Variants in SPATA6L observed in about 807,000 individuals in gnomAD.
SPATA6L encodes the protein spermatogenesis associated 6 like.
Under a neutral mutation model 49.2 loss-of-function variants are expected in SPATA6L, and 68 were observed. That is an observed-to-expected ratio of 1.38 (90% CI 1.14 to 1.69). The LOEUF (loss-of-function observed/expected upper bound fraction) is 1.69, where lower values mean the gene tolerates loss of function less well. SPATA6L is among the 40% of genes most tolerant of loss of function. The pLI is 0.00. For synonymous variants in SPATA6L, 198 were observed against 165.7 expected, an observed-to-expected ratio of 1.19 and a Z score of -1.50; for missense variants, 668 against 464.3, an observed-to-expected ratio of 1.44 and a Z score of -4.03.
intron 3 of SPATA6L, among the ~76,000 whole-genome samples, chr9:4,645,569 C>A (rs535213751): frequency 6.6e-6 from 1 of 152,106 alleles, no homozygotes; most frequent in African/African-American, 2.4e-5. Flanking sequence ...CCCACGATAA[C>A]CCATCAGTAC....
At chr9:4,646,548 A>AT in intron 3 of SPATA6L, 1 of 1,461,974 alleles carries the variant, frequency 6.8e-7, no homozygotes, top group East Asian at 2.6e-5. Context: ...AAAAAATGAG[A>AT]TTTTAATACT....
At chr9:4,655,635 G>A (rs912693443) in intron 3 of SPATA6L, among the ~76,000 whole-genome samples, 80 of 151,054 alleles carry the variant, frequency 5.3e-4, no homozygotes, top group African/African-American at 1.9e-3. Flanking sequence ...TGTAACCTCC[G>A]CCTCCCAGGT....
downstream of SPATA6L, among the ~76,000 whole-genome samples, chr9:4,594,466 C>T (rs1012242393): frequency 6.6e-6 from 1 of 152,220 alleles, no homozygotes; most frequent in African/African-American, 2.4e-5. Context: ...CCTGCCTCAG[C>T]CTCCCAAAGT....
intron 9 of SPATA6L, among the ~76,000 whole-genome samples, chr9:4,612,814 T>G (rs1827087456): frequency 6.6e-6 from 1 of 152,134 alleles, no homozygotes; most frequent in African/African-American, 2.4e-5. Flanking sequence ...CATCCATTAA[T>G]ATTCAGGAGG....
At position 4,662,136 on chromosome 9, in the gene SPATA6L, C is replaced by T; in HGVS notation, c.40-100G>A. Reference sequence around the variant, plus strand: ...TCTCTTAAGCTCCTACAGACACTGACATTTTCCCCATCACCTCACTCCCTC... The same window carrying T: ...TCTCTTAAGCTCCTACAGACACTGATATTTTCCCCATCACCTCACTCCCTC... On this transcript the variant is annotated intron_variant, in intron 1 of 11. Coordinates refer to ENST00000682582, the MANE Select transcript of SPATA6L (RefSeq NM_001353486.2). The surrounding 1 kb of genome is among the most constrained non-coding windows in gnomAD (Gnocchi z 4.9). 1.3e-6 allele frequency: 2 copies of T among 1,501,876 alleles called. No individual in the cohort carries two copies. The highest frequency in any genetic ancestry group is 1.8e-6 in the Non-Finnish European group (2 of 1,124,798). The allele number at this position is 1,501,876 out of a possible 1,614,324, so 93.0% of individuals were successfully genotyped here.
chr9:4,644,538 ACGTG>A (rs1335496344), intron 3 of SPATA6L, among the ~76,000 whole-genome samples: 1 of 152,154 alleles, frequency 6.6e-6, no homozygotes. Context: ...TCTCAGGATT[ACGTG>A]ATGTGGGAAT....
intron 13 of SPATA6L, among the ~76,000 whole-genome samples, chr9:4,590,797 T>C (rs1821856987): frequency 6.6e-6 from 1 of 152,148 alleles, no homozygotes; most frequent in Admixed American, 6.5e-5. Context: ...CAGAATCAAC[T>C]AAACTGAGCA....
intron 5 of SPATA6L, chr9:4,626,831 A>G: frequency 4.8e-6 from 1 of 207,748 alleles, no homozygotes; most frequent in South Asian, 8.4e-5. Context: ...GTACCTGAGG[A>G]CATGAGAAAA....
intron 2 of SPATA6L, among the ~76,000 whole-genome samples, chr9:4,660,554 G>C (rs1236156116): frequency 1.3e-5 from 2 of 152,196 alleles, no homozygotes; most frequent in Admixed American, 1.3e-4. Flanking sequence ...AGAATGTGGA[G>C]AAACAGGAAC....
At chr9:4,653,657 C>T (rs1055065624) in intron 3 of SPATA6L, among the ~76,000 whole-genome samples, 2 of 152,180 alleles carry the variant, frequency 1.3e-5, no homozygotes, top group Admixed American at 6.5e-5. Flanking sequence ...AGGCCAGGCA[C>T]AGCGGCTCAT....
Position 4,606,159 on chromosome 9 carries a change from G to A in SPATA6L, c.996-719C>T, listed in dbSNP as rs376205473. Among the ~76,000 whole-genome samples, 1,491 of 151,608 alleles carry A rather than the reference G, an allele frequency of 9.8e-3. 25 individuals are homozygous for A. Among genetic ancestry groups the A allele is most frequent in the African/African-American group, 0.031 (1,264 of 41,052 alleles). On this transcript the variant is annotated intron_variant, in intron 9 of 11. Coordinates refer to ENST00000682582, the MANE Select transcript of SPATA6L (RefSeq NM_001353486.2). Reference sequence around the variant, plus strand: ...GCTCGGAGGGTCCTACGCCCACGGAGTCTCGCTGATTGCTAGCACAGCAGT... The same window carrying A: ...GCTCGGAGGGTCCTACGCCCACGGAATCTCGCTGATTGCTAGCACAGCAGT...
chr9:4,622,203 C>T (rs557085247), intron 7 of SPATA6L, among the ~76,000 whole-genome samples: 13 of 152,330 alleles, frequency 8.5e-5, no homozygotes, highest in Non-Finnish European at 1.5e-4. Flanking sequence ...TCCCCTTCAA[C>T]GGCGAGGGGA....
intron 3 of SPATA6L, among the ~76,000 whole-genome samples, chr9:4,649,792 T>C (rs1316961430): frequency 6.6e-6 from 1 of 152,256 alleles, no homozygotes; most frequent in African/African-American, 2.4e-5. Context: ...ATGGTTGTTA[T>C]GTCCTTTTAT....
rs537096165 is a variant in SPATA6L at position 4,606,476 on chromosome 9, G to C, written c.996-1036C>G. 4.6e-4 allele frequency among the ~76,000 whole-genome samples: 20 copies of C among 43,838 alleles called. 8 individuals are homozygous for C. Among genetic ancestry groups the C allele is most frequent in the Non-Finnish European group, 1.1e-4 (2 of 18,518 alleles). 28.8% of individuals were successfully genotyped at this position (43,838 alleles called of 152,430 possible). On this transcript the variant is annotated intron_variant, in intron 9 of 11. Transcript: ENST00000682582. ...GAGAAGGGGCAGACTGCGTCCTCAAGTGGGTGCCTGACCCCTGACCCCCGA... is the reference window on the plus strand; with the variant it reads ...GAGAAGGGGCAGACTGCGTCCTCAACTGGGTGCCTGACCCCTGACCCCCGA...
exon 14 of SPATA6L, chr9:4,588,826 T>C (rs182291469): frequency 6.6e-6 from 1 of 152,234 alleles, no homozygotes. Context: ...AACTCTTTTT[T>C]AGTCCAGTGG....
chr9:4,615,298 T>C (rs1408427119), intron 9 of SPATA6L, among the ~76,000 whole-genome samples: 1 of 152,186 alleles, frequency 6.6e-6, no homozygotes, highest in Non-Finnish European at 1.5e-5. Flanking sequence ...CTCTGCTAGG[T>C]TGCAAGTTTT....
intron 7 of SPATA6L, among the ~76,000 whole-genome samples, chr9:4,619,980 A>G (rs1828893301): frequency 6.6e-6 from 1 of 152,172 alleles, no homozygotes; most frequent in African/African-American, 2.4e-5. Context: ...GGGCTCAGGC[A>G]ATGACAAGGG....
In SPATA6L at chr9:4,649,522, G is replaced by A. The variant is rs541329375; in HGVS notation, c.226+6519C>T. Among the ~76,000 whole-genome samples the A allele has an allele frequency of 3.2e-4, 49 of 152,304 alleles. 2 individuals are homozygous for A. In the South Asian group the frequency reaches 8.7e-3, roughly 27 times the overall value. On this transcript the variant is annotated intron_variant, in intron 3 of 11. Transcript: ENST00000682582. The stretch of plus-strand genomic sequence containing the variant: ...AATGAAGAAACTAAATCTCAAAGAG[G>A]AAACTATAGTAATGTGGACAAGGTC...
At chr9:4,616,892 G>C (rs1356232721) in intron 9 of SPATA6L, among the ~76,000 whole-genome samples, 2 of 152,186 alleles carry the variant, frequency 1.3e-5, no homozygotes, top group East Asian at 3.9e-4. Context: ...GCCGGAGCCA[G>C]TTTTTTAAAA....
Sources: allele counts gnomAD v4.1 joint callset (sites outside exome capture counted in the v4.1 genomes callset), GRCh38; gene constraint gnomAD v4.1.1; non-coding constraint Gnocchi (gnomAD v3.1); transcripts MANE v1.5; gene names NCBI Gene and HGNC (gene_info 2026-07-23, HGNC 2026-07-21).